Variants in FGGY observed in about 807,000 individuals in gnomAD.
FGGY encodes FGGY carbohydrate kinase domain containing, also known as FGGY carbohydrate kinase domain-containing protein.
In FGGY, 72 loss-of-function variants were observed where a neutral mutation model predicts 71.3. The ratio of observed to expected loss-of-function variants is 1.01; its 90% confidence interval spans 0.84 to 1.23. The LOEUF is 1.23. Ranked by LOEUF, FGGY falls within the 50% of genes most tolerant of loss-of-function variation. The pLI is 0.00. For missense variants in FGGY, 668 were observed against 682.3 expected (o/e 0.98, Z 0.23); for synonymous variants, 251 against 250.3 (o/e 1.00, Z -0.02).
intron 5 of FGGY, among the ~76,000 whole-genome samples, chr1:59,385,194 G>GT (rs1171945847): frequency 2.6e-5 from 4 of 151,584 alleles, no homozygotes; most frequent in Admixed American, 2.0e-4. Flanking sequence ...TTTTGTTTTT[G>GT]TTTTTTTACC....
Position 59,629,442 on chromosome 1 carries a change from G to A in FGGY, c.1073+3393G>A, listed in dbSNP as rs1572332902. Among the ~76,000 whole-genome samples, 4 of 152,170 alleles carry A rather than the reference G, an allele frequency of 2.6e-5. No individual in the cohort carries two copies. In the South Asian group the frequency reaches 8.3e-4, roughly 31 times the overall value. On this transcript the variant is annotated intron_variant, in intron 10 of 15. Coordinates refer to ENST00000303721, the MANE Select transcript of FGGY (RefSeq NM_018291.5). ...GCTTCATAGGCATTCCCTTCTAGGA[G>A]TCTTTAGTTATAATGCCATTGCAAT...
intron 5 of FGGY, among the ~76,000 whole-genome samples, chr1:59,406,341 C>T (rs1181259355): frequency 3.3e-5 from 5 of 151,952 alleles, no homozygotes; most frequent in Admixed American, 1.3e-4. Flanking sequence ...GTGTCCTTTT[C>T]GAAGTCTACT....
intron 6 of FGGY, among the ~76,000 whole-genome samples, chr1:59,491,092 T>C (rs1197916389): frequency 3.4e-5 from 1 of 29,256 alleles, no homozygotes; most frequent in Non-Finnish European, 6.1e-5. Flanking sequence ...CCTTCCTTCC[T>C]TCCTTCCTTC....
intron 10 of FGGY, among the ~76,000 whole-genome samples, chr1:59,633,919 C>G (rs1050561876): frequency 2.0e-5 from 3 of 151,882 alleles, no homozygotes; most frequent in Non-Finnish European, 4.4e-5. Flanking sequence ...GAGAAACAGC[C>G]AAAGAGGAGG....
intron 6 of FGGY, 22 bp from the exon 7 acceptor site, chr1:59,512,289 G>GT: frequency 6.3e-7 from 1 of 1,577,158 alleles, no homozygotes; most frequent in Non-Finnish European, 8.6e-7. Flanking sequence ...GATGGTGTTT[G>GT]TTTTTTCTCA....
intron 7 of FGGY, among the ~76,000 whole-genome samples, chr1:59,535,773 T>C (rs1373032539): frequency 2.0e-5 from 3 of 148,786 alleles, no homozygotes; most frequent in Non-Finnish European, 4.5e-5. Flanking sequence ...AAAGATCTTC[T>C]TTGAAACCAA....
chr1:59,600,123 A>G (rs60100363), intron 8 of FGGY, among the ~76,000 whole-genome samples: 4,041 of 152,304 alleles, frequency 0.027, 189 homozygotes, highest in African/African-American at 0.091. Context: ...ATCCAGTTTC[A>G]TCACCCTTGT....
chr1:59,762,449 C>A, intron 15 of FGGY, 54 bp from the exon 16 acceptor site: 1 of 1,357,306 alleles, frequency 7.4e-7, no homozygotes, highest in Non-Finnish European at 1.0e-6. Flanking sequence ...TACAGGGAAG[C>A]CCTGTGGCAG....
At chr1:59,366,763 A>G (rs2056666726) in intron 4 of FGGY, among the ~76,000 whole-genome samples, 1 of 151,948 alleles carries the variant, frequency 6.6e-6, no homozygotes, top group Admixed American at 6.6e-5. Flanking sequence ...ATTTAGGTAT[A>G]TCAATGAATA....
chr1:59,560,836 G>A (rs887496574), intron 8 of FGGY, among the ~76,000 whole-genome samples: 1 of 152,196 alleles, frequency 6.6e-6, no homozygotes, highest in Non-Finnish European at 1.5e-5. Flanking sequence ...TTGGGTAGAT[G>A]AGGAGGTTTT....
At chr1:59,669,237 C>A (rs1211526141) in intron 13 of FGGY, among the ~76,000 whole-genome samples, 2 of 152,014 alleles carry the variant, frequency 1.3e-5, no homozygotes, top group Non-Finnish European at 2.9e-5. Flanking sequence ...GGGGCAGGAC[C>A]AATATTGTAA....
intron 9 of FGGY, among the ~76,000 whole-genome samples, chr1:59,621,459 C>A (rs1335585241): frequency 4.8e-3 from 469 of 98,614 alleles, no homozygotes; most frequent in East Asian, 6.1e-3. Context: ...GCCTCCGTCT[C>A]AAAAAAAAAA....
At chr1:59,718,986 G>T (rs1161592614) in intron 14 of FGGY, among the ~76,000 whole-genome samples, 4 of 152,108 alleles carry the variant, frequency 2.6e-5, no homozygotes, top group African/African-American at 7.2e-5. Flanking sequence ...TGCCCCTGGG[G>T]TACTTATACC....
chr1:59,406,629 T>A (rs1440558515), intron 5 of FGGY, among the ~76,000 whole-genome samples: 1 of 152,134 alleles, frequency 6.6e-6, no homozygotes, highest in East Asian at 1.9e-4. Context: ...TATTGATGAG[T>A]TGGCAAAAAT....
intron 9 of FGGY, among the ~76,000 whole-genome samples, chr1:59,623,321 ACT>A (rs1356337752): frequency 6.6e-6 from 1 of 152,152 alleles, no homozygotes; most frequent in African/African-American, 2.4e-5. Context: ...TTCAAGACAC[ACT>A]GTCTGCCTTC....
At chr1:59,658,668 G>A (rs1471384891) in intron 11 of FGGY, among the ~76,000 whole-genome samples, 1 of 152,176 alleles carries the variant, frequency 6.6e-6, no homozygotes, top group African/African-American at 2.4e-5. Context: ...TGGGGAGAAC[G>A]TTTTACAGGG....
At chr1:59,609,108 A>G (rs749792874) in intron 9 of FGGY, among the ~76,000 whole-genome samples, 1 of 152,212 alleles carries the variant, frequency 6.6e-6, no homozygotes, top group African/African-American at 2.4e-5. Context: ...AAGGGTACAG[A>G]TAGTCTACTT....
chr1:59,588,054 C>A (rs1450707008), intron 8 of FGGY, among the ~76,000 whole-genome samples: 1 of 152,054 alleles, frequency 6.6e-6, no homozygotes, highest in Non-Finnish European at 1.5e-5. Flanking sequence ...GAAAAAAATT[C>A]AGATGAATGT....
chr1:59,661,169 T>C (rs1187290870), intron 12 of FGGY, among the ~76,000 whole-genome samples: 4 of 152,264 alleles, frequency 2.6e-5, no homozygotes, highest in African/African-American at 7.2e-5. Flanking sequence ...TACGTACATA[T>C]ATGATATTCA....
Sources: gnomAD v4.1 joint callset for allele counts (sites outside exome capture counted in the v4.1 genomes callset) on GRCh38, gnomAD v4.1.1 for gene constraint, MANE v1.5 for transcripts, NCBI Gene and HGNC (gene_info 2026-07-23, HGNC 2026-07-21) for gene names.